Variants in FAT4 observed in about 807,000 individuals in gnomAD.
FAT4 encodes protocadherin Fat 4.
Under a neutral mutation model 303.9 loss-of-function variants are expected in FAT4, and 84 were observed. The ratio of observed to expected loss-of-function variants is 0.28; its 90% CI spans 0.23 to 0.33. The LOEUF is 0.33. Among genes scored for constraint, FAT4 ranks in the 10% least tolerant of loss-of-function variants. The pLI is 1.00. For missense variants in FAT4, 6,005 were observed against 6,146.8 expected (o/e 0.98, Z 0.77); for synonymous variants, 2,307 against 2,298.8 (o/e 1.00, Z -0.10).
chr4:125,459,701 A>G (rs530338792), intron 10 of FAT4, among the ~76,000 whole-genome samples: 3 of 152,166 alleles, frequency 2.0e-5, no homozygotes, highest in South Asian at 2.1e-4. Flanking sequence ...TGCAAGTCCT[A>G]TCAGCATACT....
intron 2 of FAT4, among the ~76,000 whole-genome samples, chr4:125,358,548 A>G (rs1732525363): frequency 6.6e-6 from 1 of 152,068 alleles, no homozygotes; most frequent in African/African-American, 2.4e-5. Flanking sequence ...TGCGCACTTC[A>G]CAATAGGGTT....
rs779924985 is a variant in FAT4 at position 125,448,937 on chromosome 4, G to A, written c.7927G>A (p.Ala2643Thr). 3 of 1,613,494 alleles carry A rather than the reference G, an allele frequency of 1.9e-6. No homozygotes were observed. The highest frequency in any genetic ancestry group is 2.2e-5 in the East Asian group (1 of 44,850). Residue 2643 changes from alanine (A) to threonine (T), a missense_variant, in exon 10 of 18, where the codon GCC becomes ACC. Physicochemically the swap from Ala to Thr is moderately conservative, Grantham distance 58. Transcript: ENST00000394329. ...ACAAAAATATGTTGTATGGATAGAG[G>A]CCAGAGACGGTGGTTTCCCTCCTTT... ...KIQKYVVWIE[A>T]RDGGFPPFSS...
intron 3 of FAT4, among the ~76,000 whole-genome samples, 182 bp from the exon 4 acceptor site, chr4:125,406,698 A>T (rs1734622771): frequency 6.6e-6 from 1 of 152,212 alleles, no homozygotes; most frequent in African/African-American, 2.4e-5. Context: ...TTTGGGGCAT[A>T]CAAAGCTTTT....
intron 2 of FAT4, among the ~76,000 whole-genome samples, 183 bp downstream of exon 2, chr4:125,321,769 T>G (rs1730963692): frequency 6.6e-6 from 1 of 152,232 alleles, no homozygotes; most frequent in Non-Finnish European, 1.5e-5. Context: ...TTAATCTTGG[T>G]TGCAACTAAA....
chr4:125,405,490 T>A (rs1455035880), intron 3 of FAT4, among the ~76,000 whole-genome samples: 2 of 152,014 alleles, frequency 1.3e-5, no homozygotes, highest in African/African-American at 4.8e-5. Context: ...TTAGTGACAC[T>A]GAGTATTTTT....
rs1284491396 is a variant in FAT4, at chr4:125,451,485, C to T, written c.10475C>T (p.Ala3492Val). Residue 3492 changes from alanine (A) to valine (V), a missense_variant, in exon 10 of 18, where the codon GCT (alanine) becomes GTT (valine). Physicochemically the swap from Ala to Val is moderately conservative, Grantham distance 64. Coordinates refer to ENST00000394329, the MANE Select transcript of FAT4 (RefSeq NM_001291303.3). ...VLAVDSGTPS[A>V]TGSASLLVTL... ...GCTGTTGATTCAGGGACCCCCTCAG[C>T]TACAGGTAGTGCCTCTTTATTAGTC... The T allele has an allele frequency of 1.9e-6, 3 of 1,614,034 alleles. No homozygotes were observed. Among genetic ancestry groups the T allele is most frequent in the Non-Finnish European group, 2.5e-6 (3 of 1,180,028 alleles).
At chr4:125,428,263 T>G (rs1848578) in intron 7 of FAT4, among the ~76,000 whole-genome samples, 151,094 of 152,148 alleles carry the variant, frequency 0.99, 75,028 homozygotes, top group Middle Eastern at 1. Context: ...ACACCGCTGC[T>G]CTTCAGCCTG....
In FAT4 at chr4:125,318,639, G is replaced by T; in HGVS notation, c.2228G>T (p.Gly743Val). The T allele has an allele frequency of 6.2e-7, 1 of 1,613,986 alleles. No individual in the cohort carries two copies. Among genetic ancestry groups the T allele is most frequent in the African/African-American group, 1.3e-5 (1 of 74,962 alleles). ...CGGTTTCAGGTCAATGCTCAGAGTG[G>T]GGTTATTTCTACAAGAATGGCCCTA... ...RSRFQVNAQS[G>V]VISTRMALDR... Residue 743 changes from glycine to valine, a missense_variant, in exon 2 of 18, where the codon GGG becomes GTG. Physicochemically the swap from Gly to Val is moderately radical, Grantham distance 109. Coordinates refer to ENST00000394329, the MANE Select transcript of FAT4 (RefSeq NM_001291303.3).
rs769744109 is a variant in FAT4 at position 125,434,250 on chromosome 4, C to T, written c.7024C>T (p.Pro2342Ser). The change falls in exon 8 of 18, where the codon CCT becomes TCT. Residue 2342 changes from proline (P) to serine (S), a missense_variant. Physicochemically the swap from Pro to Ser is moderately conservative, Grantham distance 74 (BLOSUM62 -1). Coordinates refer to ENST00000394329, the MANE Select transcript of FAT4 (RefSeq NM_001291303.3). ...LMITATDSGS[P>S]ALTGTGTINV... Reference sequence around the variant, plus strand: ...TGATTTTCTTTTCTTTTTAGGATCCCCTGCCTTGACTGGAACTGGAACAAT... The same window carrying T: ...TGATTTTCTTTTCTTTTTAGGATCCTCTGCCTTGACTGGAACTGGAACAAT... The T allele has an allele frequency of 6.8e-6, 11 of 1,608,920 alleles. No individual in the cohort carries two copies. In the Middle Eastern group the frequency reaches 6.6e-4, roughly 97 times the overall value.
In FAT4 at chr4:125,481,536, C is replaced by G. The variant is rs761167727; in HGVS notation, c.12620C>G (p.Thr4207Ser). 1.2e-6 allele frequency: 2 copies of G among 1,613,626 alleles called. No homozygotes were observed. Among genetic ancestry groups the G allele is most frequent in the Non-Finnish European group, 8.5e-7 (1 of 1,179,708 alleles). ...KYCEKSVTPD[T>S]ALSLEGKGRL... ...TGACTTCCAGCTGTTACTCCTGACA[C>G]TGCCTTATCATTAGAAGGCAAAGGG... Residue 4207 changes from threonine to serine, a missense_variant, in exon 16 of 18, where the codon ACT becomes AGT. By Grantham distance (58) the Thr-to-Ser change is moderately conservative. Coordinates refer to ENST00000394329, the MANE Select transcript of FAT4 (RefSeq NM_001291303.3).
Position 125,321,163 on chromosome 4 carries a change from G to C in FAT4, c.4752G>C (p.Leu1584=). 6.2e-7 allele frequency: 1 copy of C among 1,614,182 alleles called. No homozygotes were observed. The change falls in exon 2 of 18, where the codon CTG becomes CTC. Residue 1584 remains leucine, a synonymous_variant. Transcript: ENST00000394329. ...TFIVDRYSGD[L]RVASALVPSQ... is the part of the protein sequence containing the mutation. ...TTGTTGATCGTTATAGTGGAGACCT[G>C]AGAGTGGCTTCAGCGTTGGTGCCTT...
chr4:125,456,886 A>G (rs1726299073), intron 10 of FAT4, among the ~76,000 whole-genome samples: 1 of 152,160 alleles, frequency 6.6e-6, no homozygotes, highest in Non-Finnish European at 1.5e-5. Context: ...TTCAGTTAAC[A>G]TGAATTAAAT....
In FAT4 at chr4:125,451,852, A is replaced by G. The variant is rs1402083664; in HGVS notation, c.10842A>G (p.Ser3614=). 22 of 1,613,936 alleles carry G rather than the reference A, an allele frequency of 1.4e-5. No homozygotes were observed. The highest frequency in any genetic ancestry group is 1.9e-5 in the Non-Finnish European group (22 of 1,180,012). ...TTATAGACCAAAATGACAATCCTTC[A>G]CAGTCTCGGACGGTGGAGATATTTG... ...ITVIDQNDNP[S]QSRTVEIFVN... is the part of the protein sequence containing the mutation. The change falls in exon 10 of 18, where the codon TCA becomes TCG. Residue 3614 remains serine, a synonymous_variant. Transcript: ENST00000394329.
In FAT4 at chr4:125,449,290, A is replaced by C. The variant is rs750907829; in HGVS notation, c.8280A>C (p.Lys2760Asn). 23 of 1,613,898 alleles carry C rather than the reference A, an allele frequency of 1.4e-5. No individual in the cohort carries two copies. The highest frequency in any genetic ancestry group is 1.7e-5 in the Non-Finnish European group (20 of 1,179,936). The change falls in exon 10 of 18, where the codon AAA becomes AAC. Residue 2760 changes from lysine (K) to asparagine (N), a missense_variant. Physicochemically the swap from Lys to Asn is moderately conservative, Grantham distance 94. Coordinates refer to ENST00000394329, the MANE Select transcript of FAT4 (RefSeq NM_001291303.3). ...CCCCGTCTCAGAGTACTTCAGTAAA[A>C]GTCATGATTAACATTTTAGATGAAA... ...KGSPSQSTSV[K>N]VMINILDEND...
chr4:125,416,217 T>C (rs1394713983), intron 6 of FAT4, among the ~76,000 whole-genome samples: 1 of 152,238 alleles, frequency 6.6e-6, no homozygotes, highest in Non-Finnish European at 1.5e-5. Context: ...TTAAAAATTT[T>C]TATGAAGCCT....
chr4:125,317,700 G>C lies in FAT4; in HGVS notation c.1289G>C (p.Arg430Pro), dbSNP rs774644392. The part of the protein sequence containing the change: ...IKVASALDRE[R>P]IPSYNLTVSV... ...GTGGCCAGCGCCTTGGACCGCGAGC[G>C]CATCCCTTCCTACAACCTCACAGTT... is the stretch of plus-strand genomic sequence containing the variant. Residue 430 changes from arginine to proline, a missense_variant, in exon 2 of 18, where the codon CGC (arginine) becomes CCC (proline). Transcript: ENST00000394329. The surrounding 1 kb of genome is among the most constrained non-coding windows in gnomAD (Gnocchi z 7.0). 2.5e-6 allele frequency: 4 copies of C among 1,614,062 alleles called. No individual in the cohort carries two copies. In the East Asian group the frequency reaches 8.9e-5, roughly 36 times the overall value.
intron 7 of FAT4, among the ~76,000 whole-genome samples, chr4:125,420,892 C>A (rs1724847427): frequency 6.6e-6 from 1 of 152,124 alleles, no homozygotes; most frequent in Non-Finnish European, 1.5e-5. Flanking sequence ...TAATTCAAAA[C>A]CTGCATGAGC....
chr4:125,394,801 G>C (rs999274431), intron 2 of FAT4, among the ~76,000 whole-genome samples: 3 of 152,126 alleles, frequency 2.0e-5, no homozygotes, highest in African/African-American at 7.2e-5. Context: ...TGGCAACAAG[G>C]AAGCAATTTA....
chr4:125,431,146 C>T (rs946698629), intron 7 of FAT4, among the ~76,000 whole-genome samples: 1 of 152,154 alleles, frequency 6.6e-6, no homozygotes, highest in Admixed American at 6.5e-5. Flanking sequence ...TGTGGTTTTC[C>T]ATATGTGTAT....
Sources: allele counts gnomAD v4.1 joint callset (sites outside exome capture counted in the v4.1 genomes callset), GRCh38; gene constraint gnomAD v4.1.1; non-coding constraint Gnocchi (gnomAD v3.1); transcripts MANE v1.5; gene names NCBI Gene and HGNC (gene_info 2026-07-23, HGNC 2026-07-21).